The following RMDN2 variants were observed in gnomAD, a reference collection of about 807,000 sequenced individuals.
RMDN2 encodes the protein regulator of microtubule dynamics protein 2.
A neutral mutation model predicts 52.8 loss-of-function variants in RMDN2; 61 were observed. That is an observed-to-expected ratio of 1.16 (90% CI 0.94 to 1.43). RMDN2 has a LOEUF of 1.43. RMDN2 is among the 40% of genes most tolerant of loss of function. The pLI is 0.00. For missense variants in RMDN2, 592 were observed against 475.3 expected (o/e 1.25, Z -2.28); for synonymous variants, 180 against 153.1 (o/e 1.18, Z -1.30).
chr2:38,001,248 CA>C (rs1356583737), intron 8 of RMDN2, among the ~76,000 whole-genome samples: 1 of 152,366 alleles, frequency 6.6e-6, no homozygotes, highest in South Asian at 2.1e-4. Flanking sequence ...AAATGACCAA[CA>C]AAGTTCCTAC....
intron 4 of RMDN2, among the ~76,000 whole-genome samples, chr2:37,980,607 A>G (rs6735598): frequency 0.44 from 66,656 of 152,000 alleles, 16,487 homozygotes; most frequent in East Asian, 0.78. Context: ...TCCAGCCCCA[A>G]ATTAATTATT....
chr2:37,987,507 A>T (rs1674186148), intron 5 of RMDN2, among the ~76,000 whole-genome samples: 1 of 152,208 alleles, frequency 6.6e-6, no homozygotes, highest in Non-Finnish European at 1.5e-5. Flanking sequence ...GGAGACAGTA[A>T]AAGGATCAGT....
chr2:38,015,653 C>T (rs1262310988), intron 10 of RMDN2, among the ~76,000 whole-genome samples: 2 of 152,152 alleles, frequency 1.3e-5, no homozygotes, highest in Non-Finnish European at 2.9e-5. Flanking sequence ...CTGCTAGACC[C>T]ATCTCAGAGG....
intron 1 of RMDN2, among the ~76,000 whole-genome samples, chr2:37,926,962 C>G (rs533921419): frequency 1.3e-5 from 2 of 152,048 alleles, no homozygotes; most frequent in African/African-American, 4.8e-5. Flanking sequence ...TGACTTCATA[C>G]AACCTTTGAA....
chr2:38,004,908 C>G (rs1676859300), intron 10 of RMDN2, among the ~76,000 whole-genome samples: 1 of 150,994 alleles, frequency 6.6e-6, no homozygotes, highest in Admixed American at 6.6e-5. Context: ...TCCATGTGTT[C>G]TGATTGTTCA....
At chr2:38,006,196 G>C (rs1223517771) in intron 10 of RMDN2, among the ~76,000 whole-genome samples, 1 of 152,050 alleles carries the variant, frequency 6.6e-6, no homozygotes, top group Non-Finnish European at 1.5e-5. Flanking sequence ...GCTCTTTTTT[G>C]GTTCCATATG....
At chr2:37,937,121 A>G (rs1173480658) in intron 2 of RMDN2, among the ~76,000 whole-genome samples, 1 of 151,748 alleles carries the variant, frequency 6.6e-6, no homozygotes, top group Admixed American at 6.6e-5. Flanking sequence ...TTTTTTGCAT[A>G]TGGCTAGCCA....
chr2:37,990,370 T>C (rs1175661583), intron 6 of RMDN2, among the ~76,000 whole-genome samples: 2 of 146,318 alleles, frequency 1.4e-5, no homozygotes, highest in Non-Finnish European at 3.0e-5. Context: ...AATACAAAAA[T>C]TAGCCAGGCA....
chr2:38,013,331 G>A (rs1678269929), intron 10 of RMDN2, among the ~76,000 whole-genome samples: 1 of 152,150 alleles, frequency 6.6e-6, no homozygotes, highest in South Asian at 2.1e-4. Context: ...AACTGGTAAA[G>A]AAAAACCCAT....
At position 37,996,866 on chromosome 2, in the gene RMDN2, G is replaced by A. The variant is rs1211361985; in HGVS notation, c.946-550G>A. On this transcript the variant is annotated intron_variant, in intron 7 of 10. Transcript: ENST00000354545. ...TACTGATTTTTTAAAAAATCTTCGG[G>A]ATTGTAAATATGTATAGTGGGTCCC... Among the ~76,000 whole-genome samples the A allele has an allele frequency of 4.6e-5, 7 of 152,224 alleles. No homozygotes were observed. The South Asian group carries it at 1.5e-3, about 32-fold the overall frequency.
chr2:38,007,045 G>A lies in RMDN2; in HGVS notation c.1179+2829G>A, dbSNP rs149638102. Among the ~76,000 whole-genome samples, 420 of 152,262 alleles carry A rather than the reference G, an allele frequency of 2.8e-3. 9 individuals are homozygous for A. The highest frequency in any genetic ancestry group is 0.02 in the Admixed American group (304 of 15,292). ...TATGTTGAACCAGCCTTGCATCCCAGGGATGAAGCCCACTTGATGATGGTG... is the reference window on the plus strand; with the variant it reads ...TATGTTGAACCAGCCTTGCATCCCAAGGATGAAGCCCACTTGATGATGGTG... On this transcript the variant is annotated intron_variant, in intron 10 of 10. Transcript: ENST00000354545.
intron 5 of RMDN2, among the ~76,000 whole-genome samples, chr2:37,986,333 G>A (rs1242540100): frequency 2.0e-5 from 3 of 152,094 alleles, no homozygotes; most frequent in African/African-American, 7.2e-5. Context: ...AAAACAGAAA[G>A]CATCAGGACC....
intron 10 of RMDN2, chr2:38,033,020 A>G (rs1356886967): frequency 6.6e-6 from 1 of 152,180 alleles, no homozygotes; most frequent in African/African-American, 2.4e-5. Context: ...TCCCATTGAA[A>G]ATACATGAGA....
chr2:38,028,641 G>A (rs901851560), intron 10 of RMDN2, among the ~76,000 whole-genome samples: 2 of 152,132 alleles, frequency 1.3e-5, no homozygotes, highest in Non-Finnish European at 2.9e-5. Flanking sequence ...GCAAATGGCT[G>A]TGCTGCAGCC....
chr2:37,955,409 T>A (rs1192053690), intron 2 of RMDN2, among the ~76,000 whole-genome samples: 1 of 152,202 alleles, frequency 6.6e-6, no homozygotes, highest in Non-Finnish European at 1.5e-5. Context: ...AAAAAGGTGA[T>A]AAATTTTGTC....
intron 2 of RMDN2, among the ~76,000 whole-genome samples, chr2:37,939,637 A>G (rs1282776419): frequency 6.6e-6 from 1 of 152,284 alleles, no homozygotes; most frequent in Non-Finnish European, 1.5e-5. Context: ...TCCCTTTACC[A>G]TTATGTAATG....
chr2:37,938,071 C>A (rs139207237), intron 2 of RMDN2, among the ~76,000 whole-genome samples: 1 of 152,058 alleles, frequency 6.6e-6, no homozygotes, highest in African/African-American at 2.4e-5. Context: ...TCCATCAATA[C>A]CTAGTTTATT....
chr2:37,978,838 A>G lies in RMDN2; in HGVS notation c.731-2445A>G, dbSNP rs145248264. Among the ~76,000 whole-genome samples, 371 of 148,912 alleles carry G rather than the reference A, an allele frequency of 2.5e-3. 3 individuals are homozygous for G. The highest frequency in any genetic ancestry group is 0.01 in the East Asian group (53 of 5,062). On this transcript the variant is annotated intron_variant, in intron 4 of 10. Coordinates refer to ENST00000354545, the MANE Select transcript of RMDN2 (RefSeq NM_001170791.3). Reference sequence around the variant, plus strand: ...TAGAGAACAGGCTGTTTGCGAGCATATGTAGCAGAAAGGAGAATATGATGG... The same window carrying G: ...TAGAGAACAGGCTGTTTGCGAGCATGTGTAGCAGAAAGGAGAATATGATGG...
At chr2:38,057,996 T>C (rs1449284382) in intron 10 of RMDN2, among the ~76,000 whole-genome samples, 1 of 152,192 alleles carries the variant, frequency 6.6e-6, no homozygotes, top group Admixed American at 6.5e-5. Flanking sequence ...ACTGTGAGAA[T>C]AGACTAATAC....
Sources: allele counts gnomAD v4.1 joint callset (sites outside exome capture counted in the v4.1 genomes callset), GRCh38; gene constraint gnomAD v4.1.1; transcripts MANE v1.5; gene names NCBI Gene and HGNC (gene_info 2026-07-23, HGNC 2026-07-21).